FBXO25: variants seen among roughly 807,000 people sequenced by gnomAD.
FBXO25 encodes F-box protein 25, also known as F-box only protein 25.
FBXO25 carries 45 observed loss-of-function variants against 51.9 expected under a neutral mutation model. The ratio of observed to expected loss-of-function variants is 0.87; its 90% CI spans 0.68 to 1.11. The LOEUF is 1.11. Ranked by LOEUF, FBXO25 falls within the 50% of genes most tolerant of loss-of-function variation. The probability of loss-of-function intolerance (pLI) is 0.00; values close to 1 mark genes in which losing one functional copy is unlikely to be tolerated. For missense variants in FBXO25, 507 were observed against 428.5 expected, an observed-to-expected ratio of 1.18 and a Z score of -1.62; for synonymous variants, 199 against 151.0, an observed-to-expected ratio of 1.32 and a Z score of -2.33.
rs1190084481 is a variant in FBXO25, at chr8:470,050, T to C, written c.*1246T>C. On this transcript the variant is annotated 3_prime_UTR_variant, in exon 10 of 10. Transcript: ENST00000350302. Reference sequence around the variant, plus strand: ...AGACCATAAATGTCCCGTATACCACTGTTACTTCACAACGCCCCCCGTCCC... The same window carrying C: ...AGACCATAAATGTCCCGTATACCACCGTTACTTCACAACGCCCCCCGTCCC... 6.6e-6 allele frequency: 1 copy of C among 151,242 alleles called. No homozygotes were observed. The highest frequency in any genetic ancestry group is 1.5e-5 in the Non-Finnish European group (1 of 67,988). The allele number at this position is 151,242 out of a possible 1,614,324, so 9.4% of individuals were successfully genotyped here.
chr8:444,876 C>G (rs1798640338), intron 5 of FBXO25, among the ~76,000 whole-genome samples: 1 of 152,188 alleles, frequency 6.6e-6, no homozygotes, highest in African/African-American at 2.4e-5. Context: ...GTAATACACT[C>G]TGTGATGTTC....
chr8:435,742 T>G lies in FBXO25; in HGVS notation c.381+35T>G, dbSNP rs530055479. The G allele has an allele frequency of 5.1e-6, 8 of 1,560,184 alleles. No individual in the cohort carries two copies. The Admixed American group carries it at 1.7e-4, about 33-fold the overall frequency. On this transcript the variant is annotated intron_variant, in intron 5 of 9. Transcript: ENST00000350302. ...CTATTTCAAAAACTACTTTGATGACTCTTTTGAACAACTATATTTTGAAGA... is the reference window on the plus strand; with the variant it reads ...CTATTTCAAAAACTACTTTGATGACGCTTTTGAACAACTATATTTTGAAGA...
intron 2 of FBXO25, among the ~76,000 whole-genome samples, chr8:421,939 A>G (rs367782067): frequency 6.6e-6 from 1 of 152,234 alleles, no homozygotes; most frequent in East Asian, 1.9e-4. Context: ...AGAAATAGCC[A>G]TCCATTTAGG....
intron 2 of FBXO25, among the ~76,000 whole-genome samples, chr8:421,361 G>T (rs997471090): frequency 6.6e-6 from 1 of 152,230 alleles, no homozygotes; most frequent in Non-Finnish European, 1.5e-5. Context: ...CATAACCGTT[G>T]TGAAATGGAT....
Position 468,742 on chromosome 8 carries a change from G to T in FBXO25, c.1015G>T (p.Asp339Tyr). 6.2e-7 allele frequency: 1 copy of T among 1,613,948 alleles called. No homozygotes were observed. Among genetic ancestry groups the T allele is most frequent in the Non-Finnish European group, 8.5e-7 (1 of 1,179,978 alleles). The change falls in exon 10 of 10, where the codon GAC becomes TAC. Residue 339 changes from aspartate to tyrosine, a missense_variant. Physicochemically the swap from Asp to Tyr is radical, Grantham distance 160. Coordinates refer to ENST00000350302, the MANE Select transcript of FBXO25 (RefSeq NM_183420.2). ...KDSGHPCTAA[D>Y]PDSCFTPVSP... Reference sequence around the variant, plus strand: ...CTCAGGACACCCCTGCACGGCGGCCGACCCTGACAGCTGCTTCACGCCTGT... The same window carrying T: ...CTCAGGACACCCCTGCACGGCGGCCTACCCTGACAGCTGCTTCACGCCTGT...
At chr8:436,398 T>G (rs1008500841) in intron 5 of FBXO25, among the ~76,000 whole-genome samples, 4 of 152,362 alleles carry the variant, frequency 2.6e-5, no homozygotes, top group East Asian at 3.9e-4. Context: ...ATGTTGCTTT[T>G]AATTGCTTTT....
intron 2 of FBXO25, among the ~76,000 whole-genome samples, chr8:429,692 A>G (rs1797701643): frequency 1.3e-5 from 2 of 152,228 alleles, no homozygotes; most frequent in South Asian, 2.1e-4. Flanking sequence ...AATACTTTGT[A>G]AAAATAGTAG....
At chr8:459,373 C>G (rs1396891844) in intron 8 of FBXO25, among the ~76,000 whole-genome samples, 3 of 152,190 alleles carry the variant, frequency 2.0e-5, no homozygotes, top group African/African-American at 7.2e-5. Context: ...GAGCCGGACC[C>G]TAGCATGGGG....
At chr8:421,194 A>AG (rs1311228733) in intron 2 of FBXO25, among the ~76,000 whole-genome samples, 4 of 152,188 alleles carry the variant, frequency 2.6e-5, no homozygotes, top group Non-Finnish European at 5.9e-5. Context: ...TGAATGATCT[A>AG]GGTTGCTCAC....
chr8:451,093 G>C (rs150019944), intron 6 of FBXO25, 176 bp from the exon 7 acceptor site: 90 of 567,926 alleles, frequency 1.6e-4, no homozygotes, highest in Middle Eastern at 9.2e-4. Flanking sequence ...CATCCATGCT[G>C]AATATGTGTG....
intron 7 of FBXO25, 41 bp downstream of exon 7, chr8:451,494 T>A: frequency 6.4e-7 from 1 of 1,557,202 alleles, no homozygotes; most frequent in East Asian, 2.2e-5. Flanking sequence ...ACTCTGTTTT[T>A]ATATTACAGA....
At chr8:463,403 G>A (rs1304326277) in intron 9 of FBXO25, among the ~76,000 whole-genome samples, 2 of 152,130 alleles carry the variant, frequency 1.3e-5, no homozygotes, top group Non-Finnish European at 1.5e-5. Context: ...CGTTGCAGGC[G>A]GATTGCAGCC....
intron 2 of FBXO25, among the ~76,000 whole-genome samples, chr8:416,312 C>G (rs1796800174): frequency 1.3e-5 from 2 of 152,214 alleles, no homozygotes; most frequent in African/African-American, 2.4e-5. Flanking sequence ...TCAAAACAAC[C>G]GGATCTCTTG....
intron 5 of FBXO25, among the ~76,000 whole-genome samples, chr8:439,099 G>C (rs1482618605): frequency 6.6e-6 from 1 of 152,238 alleles, no homozygotes; most frequent in Non-Finnish European, 1.5e-5. Flanking sequence ...CAGAGAGGGA[G>C]ACCAGTACCC....
At chr8:435,529 T>A (rs1798051341) in intron 4 of FBXO25, 86 bp from the exon 5 acceptor site, 3 of 1,381,024 alleles carry the variant, frequency 2.2e-6, no homozygotes, top group African/African-American at 3.0e-5. Flanking sequence ...TTGCCAAAAA[T>A]TTTTTTAATC....
intron 2 of FBXO25, among the ~76,000 whole-genome samples, chr8:413,948 G>C (rs1413128076): frequency 1.3e-5 from 2 of 152,190 alleles, no homozygotes; most frequent in Non-Finnish European, 2.9e-5. Flanking sequence ...CCACAGTGGT[G>C]TTTGAGAATT....
At chr8:416,064 C>G (rs1157148578) in intron 2 of FBXO25, among the ~76,000 whole-genome samples, 1 of 152,196 alleles carries the variant, frequency 6.6e-6, no homozygotes, top group Non-Finnish European at 1.5e-5. Context: ...CTTGCTCCTC[C>G]TTGTTCACCC....
chr8:425,371 A>C (rs1797410064), intron 2 of FBXO25, among the ~76,000 whole-genome samples: 1 of 149,982 alleles, frequency 6.7e-6, no homozygotes, highest in Admixed American at 6.6e-5. Flanking sequence ...ACAATGTTTA[A>C]ATTTTCTTCT....
intron 1 of FBXO25, among the ~76,000 whole-genome samples, chr8:412,474 C>G (rs896387522): frequency 1.3e-5 from 2 of 152,186 alleles, no homozygotes; most frequent in African/African-American, 2.4e-5. Flanking sequence ...GTGACCCTCA[C>G]CCCATACCTT....
Sources: allele counts gnomAD v4.1 joint callset (sites outside exome capture counted in the v4.1 genomes callset), GRCh38; gene constraint gnomAD v4.1.1; transcripts MANE v1.5; gene names NCBI Gene and HGNC (gene_info 2026-07-23, HGNC 2026-07-21).